CHKB: variants seen among roughly 807,000 people sequenced by gnomAD.
CHKB encodes the protein choline kinase beta.
A neutral mutation model predicts 57.3 loss-of-function variants in CHKB; 45 were observed. The observed-to-expected ratio is 0.79, with a 90% CI of 0.62 to 1.01. The LOEUF is 1.01. CHKB is among the 50% of genes least tolerant of loss of function. CHKB has a pLI of 0.00. For missense variants in CHKB, 517 were observed against 502.8 expected, an observed-to-expected ratio of 1.03 and a Z score of -0.27; for synonymous variants, 224 against 201.8, an observed-to-expected ratio of 1.11 and a Z score of -0.93.
Position 50,580,562 on chromosome 22 carries a change from C to CA in CHKB, c.677+2dup. On this transcript the variant is annotated splice_region_variant and intron_variant, in intron 5 of 10. Transcript: ENST00000406938. ...CCATTAGCCTTGTCCTGCCTGCCCT[C>CA]ACCTGAGGTTGCCCATCTCATCCTT... 5 of 1,614,100 alleles carry CA rather than the reference C, an allele frequency of 3.1e-6. No individual in the cohort carries two copies. The highest frequency in any genetic ancestry group is 4.2e-6 in the Non-Finnish European group (5 of 1,180,014).
At position 50,582,745 on chromosome 22, in the gene CHKB, C is replaced by T. The variant is rs1261206392; in HGVS notation, c.37G>A (p.Ala13Thr). The T allele has an allele frequency of 2.5e-6, 4 of 1,596,614 alleles. No homozygotes were observed. Among genetic ancestry groups the T allele is most frequent in the South Asian group, 1.1e-5 (1 of 89,134 alleles). ...AEATAVAGSG[A>T]VGGCLAKDGL... ...TCTTTGGCCAGGCAGCCGCCAACAG[C>T]CCCGCTTCCGGCCACAGCTGTCGCC... The change falls in exon 1 of 11, where the codon GCT (alanine) becomes ACT (threonine). Residue 13 changes from alanine to threonine, a missense_variant. Ala to Thr is a moderately conservative substitution (Grantham distance 58). Coordinates refer to ENST00000406938, the MANE Select transcript of CHKB (RefSeq NM_005198.5).
rs369532290 is a variant in CHKB, at chr22:50,579,835, G to A, written c.928-5C>T. The A allele has an allele frequency of 9.3e-6, 15 of 1,612,144 alleles. No homozygotes were observed. The highest frequency in any genetic ancestry group is 6.7e-5 in the Admixed American group (4 of 59,996). ...GTAATGACGAATAAAATGCAACTAC[G>A]ATCAATGGCCAAGAGTCAGGAATTG... On this transcript the variant is annotated splice_region_variant and splice_polypyrimidine_tract_variant and intron_variant, in intron 8 of 10. Coordinates refer to ENST00000406938, the MANE Select transcript of CHKB (RefSeq NM_005198.5).
chr22:50,582,629 T>C lies in CHKB; in HGVS notation c.153A>G (p.Gln51=), dbSNP rs903186084. 2 of 1,611,280 alleles carry C rather than the reference T, an allele frequency of 1.2e-6. No homozygotes were observed. The highest frequency in any genetic ancestry group is 1.7e-6 in the Non-Finnish European group (2 of 1,179,406). Residue 51 remains glutamine, a synonymous_variant, in exon 1 of 11, where the codon CAA becomes CAG. Coordinates refer to ENST00000406938, the MANE Select transcript of CHKB (RefSeq NM_005198.5). ...CCCCGCCCAAGTACTCCCGGCACCATTGGTAGGCTCGGCGCTCGGCGTCAC... is the reference window on the plus strand; with the variant it reads ...CCCCGCCCAAGTACTCCCGGCACCACTGGTAGGCTCGGCGCTCGGCGTCAC... ...LSRDAERRAY[Q]WCREYLGGAW...
rs1402916797 is a variant in CHKB at position 50,582,342 on chromosome 22, G to A, written c.240C>T (p.Asn80=). ...CCGGGAGCGAGCAGCGGAAGAGCAG[G>A]TTGCTGAGGCCTCCGCTGCAGACCC... ...RVYPVSGGLS[N]LLFRCSLPDH... is the part of the protein sequence containing the mutation. The change falls in exon 2 of 11, where the codon AAC becomes AAT. Residue 80 remains asparagine, a synonymous_variant. Transcript: ENST00000406938. The A allele has an allele frequency of 3.8e-6, 6 of 1,567,122 alleles. No homozygotes were observed. In the Admixed American group the frequency reaches 5.6e-5, roughly 15 times the overall value.
At chr22:50,582,420 C>G in intron 1 of CHKB, 63 bp from the exon 2 acceptor site, 1 of 1,468,876 alleles carries the variant, frequency 6.8e-7, no homozygotes, top group Non-Finnish European at 9.0e-7. Context: ...GCCCCGGCCC[C>G]CTCCCGGCCA....
In CHKB at chr22:50,581,864, T is replaced by C; in HGVS notation, c.334-2A>G. ...TTCTAGCACCAGGGAGTCCACGCCC[T>C]GAAAAAGGATGGACAGCAAAGGGGC... On this transcript the variant is annotated splice_acceptor_variant, in intron 2 of 10. Transcript: ENST00000406938. LOFTEE classifies it high-confidence loss of function. The C allele has an allele frequency of 1.2e-6, 2 of 1,613,384 alleles. No homozygotes were observed. The highest frequency in any genetic ancestry group is 1.7e-6 in the Non-Finnish European group (2 of 1,179,822).
At position 50,580,058 on chromosome 22, in the gene CHKB, A is replaced by G. The variant is rs760833908; in HGVS notation, c.843T>C (p.Phe281=). ...NYRGFDIGNH[F]CEWVYDYTHE... ...GAGTATAATCATAAACCCACTCACA[A>G]AAATGGTTCCCAATGTCAAAGCCCC... is the stretch of plus-strand genomic sequence containing the variant. The change falls in exon 8 of 11, where the codon TTT becomes TTC. Residue 281 remains phenylalanine (F), a synonymous_variant. Coordinates refer to ENST00000406938, the MANE Select transcript of CHKB (RefSeq NM_005198.5). 6.8e-6 allele frequency: 11 copies of G among 1,614,052 alleles called. No homozygotes were observed. The highest frequency in any genetic ancestry group is 5.0e-5 in the Admixed American group (3 of 60,034).
rs367729011 is a variant in CHKB at position 50,582,808 on chromosome 22, C to T, written c.-27G>A. On this transcript the variant is annotated 5_prime_UTR_variant, in exon 1 of 11. Coordinates refer to ENST00000406938, the MANE Select transcript of CHKB (RefSeq NM_005198.5). ...GCGCGGGCTCGACCGGGCCCCAGGCCAGGCTGCGCTCCGCTCCCTTCGGAC... is the reference window on the plus strand; with the variant it reads ...GCGCGGGCTCGACCGGGCCCCAGGCTAGGCTGCGCTCCGCTCCCTTCGGAC... The T allele has an allele frequency of 1.7e-3, 2,626 of 1,538,714 alleles. 62 individuals are homozygous for T. In the South Asian group the frequency reaches 0.024, roughly 14 times the overall value.
rs1270448747 is a variant in CHKB at position 50,579,138 on chromosome 22, C to A, written c.*43G>T. The A allele has an allele frequency of 1.3e-6, 2 of 1,575,366 alleles. No homozygotes were observed. On this transcript the variant is annotated 3_prime_UTR_variant, in exon 11 of 11. Transcript: ENST00000406938. ...CGTTGTTCCTCCCTCCAAGGTCCTG[C>A]CCTGGAGGCTCCAGGAGAAATCCAA...
chr22:50,581,370 T>C (rs769097449), intron 4 of CHKB, 50 bp downstream of exon 4: 6 of 1,608,324 alleles, frequency 3.7e-6, no homozygotes, highest in African/African-American at 1.3e-5. Context: ...TCCGCTGGCA[T>C]GGAGGTTCAG....
chr22:50,579,958 C>G lies in CHKB; in HGVS notation c.927+16G>C. 6.2e-7 allele frequency: 1 copy of G among 1,612,564 alleles called. No individual in the cohort carries two copies. Among genetic ancestry groups the G allele is most frequent in the Non-Finnish European group, 8.5e-7 (1 of 1,178,626 alleles). ...TCACAGGATGGGTCCTGCTCCCCAG[C>G]CTCTGGCCCACATACCTGCTGTTCT... On this transcript the variant is annotated intron_variant, in intron 8 of 10. Coordinates refer to ENST00000406938, the MANE Select transcript of CHKB (RefSeq NM_005198.5).
At position 50,580,374 on chromosome 22, in the gene CHKB, G is replaced by A; in HGVS notation, c.720C>T (p.His240=). 6.2e-7 allele frequency: 1 copy of A among 1,613,916 alleles called. No individual in the cohort carries two copies. Among genetic ancestry groups the A allele is most frequent in the East Asian group, 2.2e-5 (1 of 44,896 alleles). ...TTCTCCTACCTTCCTGGATGTCATT[G>A]TGGCAGAAGACGACTGGCGATGGGG... is the stretch of plus-strand genomic sequence containing the variant. ...ESTPSPVVFC[H]NDIQEGNILL... The change falls in exon 6 of 11, where the codon CAC becomes CAT. Residue 240 remains histidine, a synonymous_variant. Coordinates refer to ENST00000406938, the MANE Select transcript of CHKB (RefSeq NM_005198.5).
chr22:50,580,471 A>G, intron 5 of CHKB, 55 bp from the exon 6 acceptor site: 1 of 1,610,886 alleles, frequency 6.2e-7, no homozygotes, highest in South Asian at 1.1e-5. Context: ...GGAGGATCAG[A>G]GCCACCCTAA....
At chr22:50,580,759 C>T (rs1266072618) in intron 4 of CHKB, 99 bp from the exon 5 acceptor site, 1 of 1,002,926 alleles carries the variant, frequency 1.0e-6, no homozygotes, top group Admixed American at 1.9e-5. Context: ...GCTCCTATCA[C>T]TGTGTGACTT....
chr22:50,579,591 T>C, intron 9 of CHKB, 84 bp from the exon 10 acceptor site: 1 of 1,542,608 alleles, frequency 6.5e-7, no homozygotes, highest in Non-Finnish European at 8.9e-7. Flanking sequence ...GGCCAATCCC[T>C]ACAGTTTTAA....
At chr22:50,582,076 C>T (rs941826046) in intron 2 of CHKB, 173 bp downstream of exon 2, 10 of 780,042 alleles carry the variant, frequency 1.3e-5, no homozygotes, top group Non-Finnish European at 2.2e-5. Context: ...GTGATCCTCT[C>T]GCCTCAGCCT....
rs750048050 is a variant in CHKB, at chr22:50,581,554, C to G, written c.448-1G>C. ...GCTCTTGAGTTTTCAATGGCCGACTCTGCACCCAGGAAGCTATCAGGGTGG... is the reference window on the plus strand; with the variant it reads ...GCTCTTGAGTTTTCAATGGCCGACTGTGCACCCAGGAAGCTATCAGGGTGG... On this transcript the variant is annotated splice_acceptor_variant, in intron 3 of 10. Transcript: ENST00000406938. LOFTEE classifies it high-confidence loss of function. 1.2e-6 allele frequency: 2 copies of G among 1,613,936 alleles called. No homozygotes were observed. The highest frequency in any genetic ancestry group is 1.7e-6 in the Non-Finnish European group (2 of 1,180,016).
rs2070685672 is a variant in CHKB at position 50,581,318 on chromosome 22, C to G, written c.581+102G>C. Reference sequence around the variant, plus strand: ...CCTGTTCTGTGACAGCCCATGACATCAGATCCACTCAAGTGGAGGGCTGGA... The same window carrying G: ...CCTGTTCTGTGACAGCCCATGACATGAGATCCACTCAAGTGGAGGGCTGGA... On this transcript the variant is annotated intron_variant, in intron 4 of 10. Transcript: ENST00000406938. 11 of 1,442,922 alleles carry G rather than the reference C, an allele frequency of 7.6e-6. No homozygotes were observed. The East Asian group carries it at 2.6e-4, about 35-fold the overall frequency. 89.4% of individuals were successfully genotyped at this position (1,442,922 alleles called of 1,614,324 possible). A position where few individuals can be genotyped will look rare whatever the true frequency, so the allele number is the denominator to read the frequency against.
At chr22:50,582,017 TG>T (rs545858755) in intron 2 of CHKB, 155 bp from the exon 3 acceptor site, 1 of 789,502 alleles carries the variant, frequency 1.3e-6, no homozygotes, top group East Asian at 2.7e-5. Context: ...TATTTAGAGA[TG>T]GGGGTCTCAC....
Sources: allele counts gnomAD v4.1 joint callset, GRCh38; gene constraint gnomAD v4.1.1; transcripts MANE v1.5; gene names NCBI Gene and HGNC (gene_info 2026-07-23, HGNC 2026-07-21).